ASAP2: variants seen among roughly 807,000 people sequenced by gnomAD.
ASAP2 encodes the protein arf-GAP with SH3 domain, ANK repeat and PH domain-containing protein 2.
A neutral mutation model predicts 131.4 loss-of-function variants in ASAP2; 45 were observed. That is an observed-to-expected ratio of 0.34 (90% CI 0.27 to 0.44). The LOEUF is 0.44. ASAP2 is among the 20% of genes least tolerant of loss of function. The pLI, the probability that ASAP2 is intolerant of heterozygous loss-of-function variation, is 1.00. For synonymous variants in ASAP2, 510 were observed against 503.0 expected, an observed-to-expected ratio of 1.01 and a Z score of -0.19; for missense variants, 1,011 against 1,297.0, an observed-to-expected ratio of 0.78 and a Z score of 3.39.
At chr2:9,394,973 A>G (rs555753797) in intron 24 of ASAP2, among the ~76,000 whole-genome samples, 1 of 152,222 alleles carries the variant, frequency 6.6e-6, no homozygotes, top group South Asian at 2.1e-4. Flanking sequence ...CTGGGCTGTG[A>G]CCAGAACACC....
rs181787257 is a variant in ASAP2 at position 9,391,840 on chromosome 2, C to T, written c.2518+644C>T. Among the ~76,000 whole-genome samples, 403 of 152,052 alleles carry T rather than the reference C, an allele frequency of 2.7e-3. 2 individuals carry two copies. The highest frequency in any genetic ancestry group is 9.4e-3 in the African/African-American group (388 of 41,458). ...CCTCAGGTGATCCACCTGCCTCAGC[C>T]TCCCAGAGTTCTGGGATTACAGGCA... is the stretch of plus-strand genomic sequence containing the variant. On this transcript the variant is annotated intron_variant, in intron 23 of 27. Transcript: ENST00000281419.
At chr2:9,252,914 CAAAAAAA>C (rs35078846) in intron 1 of ASAP2, among the ~76,000 whole-genome samples, 6 of 108,484 alleles carry the variant, frequency 5.5e-5, no homozygotes, top group Non-Finnish European at 1.1e-4. Context: ...GACTCCGTCT[CAAAAAAA>C]AAAAAAAAAA....
At chr2:9,304,077 A>T (rs1362883347) in intron 3 of ASAP2, among the ~76,000 whole-genome samples, 1 of 152,116 alleles carries the variant, frequency 6.6e-6, no homozygotes, top group Non-Finnish European at 1.5e-5. Flanking sequence ...CCCTGAGGGT[A>T]CAGCATTGGA....
chr2:9,342,707 T>C (rs1276791710), intron 9 of ASAP2, among the ~76,000 whole-genome samples: 1 of 152,200 alleles, frequency 6.6e-6, no homozygotes, highest in Non-Finnish European at 1.5e-5. Flanking sequence ...TTTTTCAAAC[T>C]CAGAAATCCA....
intron 1 of ASAP2, among the ~76,000 whole-genome samples, chr2:9,234,102 CTA>C (rs1431447579): frequency 1.9e-5 from 2 of 107,574 alleles, no homozygotes; most frequent in Non-Finnish European, 3.5e-5. Context: ...CAGAGCGAAG[CTA>C]TGTCTCAAAA....
rs1166238269 is a variant in ASAP2, at chr2:9,279,856, C to G, written c.199+467C>G. ...AAGTAATATTTGATCTAGATTTACA[C>G]ATACATATTTTTTACACATATATAT... On this transcript the variant is annotated intron_variant, in intron 2 of 27. Transcript: ENST00000281419. Among the ~76,000 whole-genome samples the G allele has an allele frequency of 2.0e-5, 3 of 152,138 alleles. No homozygotes were observed. The East Asian group carries it at 5.8e-4, about 29-fold the overall frequency.
chr2:9,245,408 G>A (rs1346904698), intron 1 of ASAP2, among the ~76,000 whole-genome samples: 2 of 152,152 alleles, frequency 1.3e-5, no homozygotes, highest in African/African-American at 4.8e-5. Flanking sequence ...TTACTTGGGG[G>A]CATTCACTGT....
intron 1 of ASAP2, among the ~76,000 whole-genome samples, chr2:9,258,492 C>T (rs1234781446): frequency 6.6e-6 from 1 of 152,116 alleles, no homozygotes; most frequent in Non-Finnish European, 1.5e-5. Context: ...AATTTTGTAT[C>T]TAGAAGCTCA....
At chr2:9,254,323 C>G (rs1240064364) in intron 1 of ASAP2, among the ~76,000 whole-genome samples, 1 of 128,604 alleles carries the variant, frequency 7.8e-6, no homozygotes, top group East Asian at 2.2e-4. Flanking sequence ...GTTGTTAATC[C>G]TAATTAATGT....
At chr2:9,371,044 A>G (rs1330667736) in intron 16 of ASAP2, among the ~76,000 whole-genome samples, 1 of 152,178 alleles carries the variant, frequency 6.6e-6, no homozygotes, top group Non-Finnish European at 1.5e-5. Context: ...AAAGCAGGGC[A>G]TTTGGTTGTT....
intron 5 of ASAP2, among the ~76,000 whole-genome samples, chr2:9,320,781 G>A (rs1401506412): frequency 6.6e-6 from 1 of 152,200 alleles, no homozygotes; most frequent in Non-Finnish European, 1.5e-5. Context: ...GTTTTAGAAA[G>A]AGGGTTCAAT....
At position 9,311,400 on chromosome 2, in the gene ASAP2, A is replaced by G. The variant is rs58696518; in HGVS notation, c.346-7124A>G. On this transcript the variant is annotated intron_variant, in intron 3 of 27. Coordinates refer to ENST00000281419, the MANE Select transcript of ASAP2 (RefSeq NM_003887.3). This position sits in a 1 kb window ranked among gnomAD's most constrained non-coding sequence, Gnocchi z 5.2. The stretch of plus-strand genomic sequence containing the variant: ...AAAAGTTTGCCTGCTTGTTGGTCCA[A>G]CGTTAATAGCAGTGATTAAGATTAA... Among the ~76,000 whole-genome samples the G allele has an allele frequency of 1.6e-3, 246 of 152,246 alleles. No homozygotes were observed. The highest frequency in any genetic ancestry group is 5.6e-3 in the African/African-American group (234 of 41,560).
intron 12 of ASAP2, among the ~76,000 whole-genome samples, chr2:9,355,677 T>G (rs1355929858): frequency 6.6e-6 from 1 of 152,256 alleles, no homozygotes; most frequent in Non-Finnish European, 1.5e-5. Context: ...TTCTAAGATA[T>G]TCTTTTTAAA....
intron 3 of ASAP2, among the ~76,000 whole-genome samples, chr2:9,310,894 G>C (rs907613080): frequency 7.2e-5 from 11 of 152,240 alleles, no homozygotes; most frequent in African/African-American, 2.7e-4. Context: ...TTGCTCATCA[G>C]CTGTGACATT....
rs370001923 is a variant in ASAP2 at position 9,371,648 on chromosome 2, G to C, written c.1557-3107G>C. Among the ~76,000 whole-genome samples the C allele has an allele frequency of 4.6e-5, 7 of 152,140 alleles. No individual in the cohort carries two copies. In the East Asian group the frequency reaches 1.2e-3, roughly 25 times the overall value. ...GGGTGTCAGGGACGTGTAACTGGGGGAGGTGGAGCAGGGAAGCTAGGCTTG... is the reference window on the plus strand; with the variant it reads ...GGGTGTCAGGGACGTGTAACTGGGGCAGGTGGAGCAGGGAAGCTAGGCTTG... On this transcript the variant is annotated intron_variant, in intron 16 of 27. Coordinates refer to ENST00000281419, the MANE Select transcript of ASAP2 (RefSeq NM_003887.3).
intron 1 of ASAP2, among the ~76,000 whole-genome samples, chr2:9,222,002 A>G (rs929581386): frequency 6.6e-6 from 1 of 151,104 alleles, no homozygotes; most frequent in African/African-American, 2.4e-5. Flanking sequence ...GGGTTTCACC[A>G]TGGTCTTGAT....
rs758324503 is a variant in ASAP2, at chr2:9,405,600, A to G, written c.*2273A>G. On this transcript the variant is annotated 3_prime_UTR_variant, in exon 28 of 28. Coordinates refer to ENST00000281419, the MANE Select transcript of ASAP2 (RefSeq NM_003887.3). Reference sequence around the variant, plus strand: ...ATTGTCCTTAATGCAGTGATTTATAATTAGAGCATGTTTAATAAGTTTACT... The same window carrying G: ...ATTGTCCTTAATGCAGTGATTTATAGTTAGAGCATGTTTAATAAGTTTACT... 1 of 152,654 alleles carries G rather than the reference A, an allele frequency of 6.6e-6. No homozygotes were observed. 9.5% of individuals were successfully genotyped at this position (152,654 alleles called of 1,614,324 possible).
chr2:9,328,111 G>A (rs1437193274), intron 7 of ASAP2, among the ~76,000 whole-genome samples, 200 bp downstream of exon 7: 1 of 152,182 alleles, frequency 6.6e-6, no homozygotes, highest in East Asian at 1.9e-4. Flanking sequence ...GCCATGTACT[G>A]TATGATCCCA....
At chr2:9,272,174 C>A (rs1207732901) in intron 1 of ASAP2, among the ~76,000 whole-genome samples, 1 of 152,158 alleles carries the variant, frequency 6.6e-6, no homozygotes, top group African/African-American at 2.4e-5. Flanking sequence ...ACATTCCCAC[C>A]AATAGTGTAC....
Sources: allele counts gnomAD v4.1 joint callset (sites outside exome capture counted in the v4.1 genomes callset), GRCh38; gene constraint gnomAD v4.1.1; non-coding constraint Gnocchi (gnomAD v3.1); transcripts MANE v1.5; gene names NCBI Gene and HGNC (gene_info 2026-07-23, HGNC 2026-07-21).